The following OPCML variants were observed in gnomAD, a reference collection of about 807,000 sequenced individuals.
The protein encoded by OPCML is opioid binding protein/cell adhesion molecule like.
A neutral mutation model predicts 37.8 loss-of-function variants in OPCML; 13 were observed. The ratio of observed to expected loss-of-function variants is 0.34; its 90% CI spans 0.22 to 0.55. The LOEUF (loss-of-function observed/expected upper bound fraction) is 0.55. OPCML is among the 20% of genes least tolerant of loss of function. The pLI, the probability that OPCML is intolerant of heterozygous loss-of-function variation, is 0.91. For missense variants in OPCML, 341 were observed against 435.6 expected, an observed-to-expected ratio of 0.78 and a Z score of 1.93; for synonymous variants, 176 against 168.8, an observed-to-expected ratio of 1.04 and a Z score of -0.33.
intron 2 of OPCML, among the ~76,000 whole-genome samples, chr11:132,841,860 CAAAAAAAAAAAAAAAAA>C (rs71067402): frequency 4.6e-4 from 16 of 34,684 alleles, no homozygotes; most frequent in Admixed American, 1.4e-3. Context: ...CACTCTATCT[CAAAAAAAAAAAAAAAAA>C]AAAAAAAAAA....
chr11:133,384,968 TCCCAGG>T (rs1346161325), intron 1 of OPCML, among the ~76,000 whole-genome samples: 2 of 152,178 alleles, frequency 1.3e-5, no homozygotes, highest in Admixed American at 6.5e-5. Flanking sequence ...GCCGGCCAGA[TCCCAGG>T]GTGGCCCCGA....
intron 1 of OPCML, among the ~76,000 whole-genome samples, chr11:133,516,372 C>T (rs1020647825): frequency 4.6e-5 from 7 of 152,126 alleles, no homozygotes; most frequent in African/African-American, 1.4e-4. Context: ...GAGCCACATC[C>T]GAGGCTTCTA....
intron 3 of OPCML, among the ~76,000 whole-genome samples, chr11:132,569,848 T>C (rs775378838): frequency 1.3e-4 from 19 of 151,996 alleles, no homozygotes; most frequent in South Asian, 2.1e-4. Context: ...TACCCAGCTT[T>C]AATATCAATT....
At chr11:132,899,019 C>T (rs2136490559) in intron 2 of OPCML, among the ~76,000 whole-genome samples, 1 of 152,228 alleles carries the variant, frequency 6.6e-6, no homozygotes, top group South Asian at 2.1e-4. Context: ...CTTAGTATTA[C>T]CATGCCCCAT....
chr11:132,897,136 A>G (rs1943880672), intron 2 of OPCML, among the ~76,000 whole-genome samples: 1 of 152,184 alleles, frequency 6.6e-6, no homozygotes, highest in Admixed American at 6.5e-5. Context: ...AGATCCAATG[A>G]TATCCAAGAT....
chr11:132,455,115 G>T (rs2096078293), intron 4 of OPCML, among the ~76,000 whole-genome samples: 2 of 152,158 alleles, frequency 1.3e-5, no homozygotes, highest in Admixed American at 1.3e-4. Flanking sequence ...TAAATCCCAT[G>T]CTCCTCATAC....
chr11:133,070,525 A>G (rs897421424), intron 1 of OPCML, among the ~76,000 whole-genome samples: 3 of 152,158 alleles, frequency 2.0e-5, no homozygotes, highest in African/African-American at 7.2e-5. Context: ...TTGCCTATGG[A>G]CGAAGGGGAC....
chr11:132,845,367 A>G (rs1025362977), intron 2 of OPCML, among the ~76,000 whole-genome samples: 13 of 152,236 alleles, frequency 8.5e-5, no homozygotes, highest in African/African-American at 2.9e-4. Context: ...TAAGAAAAGC[A>G]TCTTTAGGGA....
At chr11:133,178,865 A>T (rs1937685863) in intron 1 of OPCML, among the ~76,000 whole-genome samples, 1 of 152,240 alleles carries the variant, frequency 6.6e-6, no homozygotes, top group Non-Finnish European at 1.5e-5. Context: ...GCTTACAGAA[A>T]CACACATACA....
intron 4 of OPCML, among the ~76,000 whole-genome samples, chr11:132,485,197 A>G (rs1234481078): frequency 6.6e-6 from 1 of 152,198 alleles, no homozygotes; most frequent in Non-Finnish European, 1.5e-5. Context: ...CCAAATGATG[A>G]AAGGGAACAC....
chr11:133,101,211 C>T (rs1592001869), intron 1 of OPCML, among the ~76,000 whole-genome samples: 1 of 152,136 alleles, frequency 6.6e-6, no homozygotes, highest in East Asian at 1.9e-4. Flanking sequence ...GTGTGAGCCA[C>T]CACGCCCAGC....
chr11:133,090,992 T>C (rs1327369440), intron 1 of OPCML, among the ~76,000 whole-genome samples: 4 of 152,296 alleles, frequency 2.6e-5, no homozygotes, highest in African/African-American at 7.2e-5. Flanking sequence ...TGCTAAGGCC[T>C]TGAGGGTAGA....
intron 1 of OPCML, among the ~76,000 whole-genome samples, chr11:133,328,818 G>A (rs1000264631): frequency 3.9e-5 from 6 of 152,130 alleles, no homozygotes; most frequent in South Asian, 2.1e-4. Flanking sequence ...ACATAGTGTC[G>A]GAAGTTCTGG....
At chr11:133,373,485 C>A (rs367910945) in intron 1 of OPCML, among the ~76,000 whole-genome samples, 5 of 137,754 alleles carry the variant, frequency 3.6e-5, no homozygotes, top group African/African-American at 1.1e-4. Context: ...TTTAGCCAGG[C>A]GTTGTGGTAC....
At position 132,742,736 on chromosome 11, in the gene OPCML, AAT is replaced by A. The variant is rs781219895; in HGVS notation, c.147-85419_147-85418del. On this transcript the variant is annotated intron_variant, in intron 2 of 7. Transcript: ENST00000524381. ...ACCCTAAAACTTGAAGTATAATAAA[AAT>A]ATATATATATTATATACTTATACGT... 1.4e-3 allele frequency among the ~76,000 whole-genome samples: 207 copies of A among 148,350 alleles called. 3 individuals are homozygous for A. The highest frequency in any genetic ancestry group is 3.6e-3 in the Middle Eastern group (1 of 280).
intron 1 of OPCML, among the ~76,000 whole-genome samples, chr11:133,140,847 C>CGAAGAAGAA (rs1949783211): frequency 5.3e-5 from 2 of 37,886 alleles, no homozygotes; most frequent in African/African-American, 1.1e-4. Context: ...AAGACGACGA[C>CGAAGAAGAA]GACGACGAAG....
intron 1 of OPCML, among the ~76,000 whole-genome samples, chr11:133,502,760 T>C (rs7944867): frequency 2.5e-3 from 383 of 152,260 alleles, no homozygotes; most frequent in Middle Eastern, 0.014. Context: ...CTATTCTGCT[T>C]CTCAGGAGAT....
At chr11:132,742,462 G>T (rs1378156470) in intron 2 of OPCML, among the ~76,000 whole-genome samples, 1 of 152,240 alleles carries the variant, frequency 6.6e-6, no homozygotes, top group Non-Finnish European at 1.5e-5. Flanking sequence ...CCAGGAAGTG[G>T]CTCTTCACCA....
intron 1 of OPCML, among the ~76,000 whole-genome samples, chr11:133,284,887 C>T (rs892510117): frequency 2.0e-5 from 3 of 151,722 alleles, no homozygotes; most frequent in African/African-American, 4.8e-5. Flanking sequence ...AGCCACATAG[C>T]AGGAATACCC....
Sources: allele counts gnomAD v4.1 joint callset (sites outside exome capture counted in the v4.1 genomes callset), GRCh38; gene constraint gnomAD v4.1.1; transcripts MANE v1.5; gene names NCBI Gene and HGNC (gene_info 2026-07-23, HGNC 2026-07-21).